KAZN: variants seen among roughly 807,000 people sequenced by gnomAD.
The protein encoded by KAZN is kazrin.
In KAZN, 40 loss-of-function variants were observed where a neutral mutation model predicts 87.4. The ratio of observed to expected loss-of-function variants is 0.46; its 90% CI spans 0.36 to 0.60. KAZN has a LOEUF of 0.60. KAZN is among the 20% of genes least tolerant of loss of function. The pLI is 0.00. For synonymous variants in KAZN, 466 were observed against 458.3 expected (o/e 1.02, Z -0.22); for missense variants, 898 against 1,073.9 (o/e 0.84, Z 2.29).
chr1:14,931,072 G>A (rs1024642951), intron 1 of KAZN, among the ~76,000 whole-genome samples: 4 of 152,168 alleles, frequency 2.6e-5, no homozygotes, highest in Admixed American at 6.5e-5. Flanking sequence ...ACTGAGGCCC[G>A]AGGCTGGGAA....
At chr1:14,665,156 A>G (rs1389699512) in intron 1 of KAZN, among the ~76,000 whole-genome samples, 1 of 152,192 alleles carries the variant, frequency 6.6e-6, no homozygotes, top group Non-Finnish European at 1.5e-5. Context: ...GACCAACCTC[A>G]TCTTGTGTCA....
chr1:14,073,301 C>T lies in KAZN; in HGVS notation c.92-107134C>T, dbSNP rs1449886220. Among the ~76,000 whole-genome samples, 25 of 152,052 alleles carry T rather than the reference C, an allele frequency of 1.6e-4. 1 individual carries two copies. Among genetic ancestry groups the T allele is most frequent in the Admixed American group, 1.6e-3 (25 of 15,260 alleles). On this transcript the variant is annotated intron_variant, in intron 1 of 16. Transcript: ENST00000636203. ...GACAGTGGCCACAAACTCTAGTGTA[C>T]CAGGAATCAATGCATGCAGGGAGCT...
intron 1 of KAZN, among the ~76,000 whole-genome samples, chr1:14,021,289 G>A (rs1640813357): frequency 6.6e-6 from 1 of 152,170 alleles, no homozygotes; most frequent in African/African-American, 2.4e-5. Flanking sequence ...CATTGTCCAA[G>A]AGCCTTGCTA....
chr1:14,574,349 A>G (rs1557809702), intron 2 of KAZN, among the ~76,000 whole-genome samples: 1 of 152,182 alleles, frequency 6.6e-6, no homozygotes, highest in Non-Finnish European at 1.5e-5. Context: ...CTATGTCCCC[A>G]CGCAAATCTC....
At chr1:14,177,027 G>A (rs1392148289) in intron 1 of KAZN, among the ~76,000 whole-genome samples, 1 of 152,058 alleles carries the variant, frequency 6.6e-6, no homozygotes, top group Non-Finnish European at 1.5e-5. Context: ...GTGTGGTGGT[G>A]CGTGCCTGTA....
chr1:14,799,000 C>T (rs952672591), intron 1 of KAZN, among the ~76,000 whole-genome samples: 30 of 151,884 alleles, frequency 2.0e-4, no homozygotes, highest in African/African-American at 6.5e-4. Context: ...TGGTCTCAAA[C>T]TCCTGAGCTC....
intron 13 of KAZN, chr1:15,112,165 T>C (rs1641652092): frequency 1.9e-6 from 1 of 530,998 alleles, no homozygotes. Context: ...CTGTGTCGTC[T>C]TGGGCAAATT....
chr1:14,508,729 A>G (rs569330963), intron 2 of KAZN, among the ~76,000 whole-genome samples: 1 of 152,192 alleles, frequency 6.6e-6, no homozygotes, highest in Non-Finnish European at 1.5e-5. Flanking sequence ...TATAAGAGTA[A>G]TTATGTTTGC....
chr1:14,709,667 G>A (rs564966972), intron 1 of KAZN, among the ~76,000 whole-genome samples: 52 of 152,290 alleles, frequency 3.4e-4, no homozygotes, highest in African/African-American at 1.2e-3. Context: ...TCCTGTGAGA[G>A]GCCACTGCTC....
chr1:14,133,377 A>AAAAGAAAGAAAGAAAGAAAG (rs149462642), intron 1 of KAZN, among the ~76,000 whole-genome samples: 9 of 72,098 alleles, frequency 1.2e-4, no homozygotes, highest in Non-Finnish European at 1.6e-4. Context: ...AAAAAAAAAA[A>AAAAGAAAGAAAGAAAGAAAG]AAAGAAAGAA....
intron 7 of KAZN, 111 bp downstream of exon 7, chr1:15,063,733 G>A: frequency 1.1e-6 from 1 of 882,982 alleles, no homozygotes; most frequent in Non-Finnish European, 1.9e-6. Context: ...AAGGTGGAGA[G>A]GATTTATGCC....
At chr1:15,017,779 G>A (rs889960283) in intron 2 of KAZN, among the ~76,000 whole-genome samples, 4 of 151,952 alleles carry the variant, frequency 2.6e-5, no homozygotes, top group Non-Finnish European at 4.4e-5. Flanking sequence ...ACTCCAGCCT[G>A]GGCAACAAGA....
At chr1:14,851,532 C>T (rs1366926949) in intron 1 of KAZN, among the ~76,000 whole-genome samples, 1 of 152,230 alleles carries the variant, frequency 6.6e-6, no homozygotes, top group Non-Finnish European at 1.5e-5. Flanking sequence ...AAAGGCACCC[C>T]TCATCAGAGG....
chr1:14,884,986 T>C (rs1480674121), intron 1 of KAZN, among the ~76,000 whole-genome samples: 1 of 152,228 alleles, frequency 6.6e-6, no homozygotes, highest in Non-Finnish European at 1.5e-5. Flanking sequence ...ATCGTAATGC[T>C]GTGCTCACCG....
chr1:14,985,225 C>T (rs1322443257), intron 2 of KAZN, among the ~76,000 whole-genome samples: 6 of 128,882 alleles, frequency 4.7e-5, no homozygotes, highest in Admixed American at 2.2e-4. Flanking sequence ...TGGTGGCTCA[C>T]GCCTATAATC....
At chr1:13,917,309 A>C (rs913956885) in intron 1 of KAZN, among the ~76,000 whole-genome samples, 1 of 152,192 alleles carries the variant, frequency 6.6e-6, no homozygotes, top group Non-Finnish European at 1.5e-5. Context: ...ATAGATTTTC[A>C]ATGGAGATGA....
chr1:14,752,795 T>C (rs1644448945), intron 1 of KAZN, among the ~76,000 whole-genome samples: 1 of 152,132 alleles, frequency 6.6e-6, no homozygotes, highest in Non-Finnish European at 1.5e-5. Context: ...GCGCTTAGTT[T>C]TATTAATCAC....
intron 2 of KAZN, among the ~76,000 whole-genome samples, chr1:14,527,273 G>A (rs1223210811): frequency 4.6e-5 from 7 of 152,152 alleles, no homozygotes; most frequent in Non-Finnish European, 1.0e-4. Context: ...AGGTTTAGCC[G>A]GGCGCTGTGG....
At chr1:14,319,020 TTATTTATTTA>T (rs1655860545) in intron 2 of KAZN, among the ~76,000 whole-genome samples, 1 of 94,488 alleles carries the variant, frequency 1.1e-5, no homozygotes, top group East Asian at 4.7e-4. Context: ...TTTTATTTAT[TTATTTATTTA>T]TTTATTTATT....
Sources: allele counts gnomAD v4.1 joint callset (sites outside exome capture counted in the v4.1 genomes callset), GRCh38; gene constraint gnomAD v4.1.1; transcripts MANE v1.5; gene names NCBI Gene and HGNC (gene_info 2026-07-23, HGNC 2026-07-21).